ZNF804B: variants seen among roughly 807,000 people sequenced by gnomAD.
ZNF804B encodes the protein zinc finger 804B.
ZNF804B carries 80 observed loss-of-function variants against 101.4 expected under a neutral mutation model. The ratio of observed to expected loss-of-function variants is 0.79; its 90% confidence interval spans 0.66 to 0.95. ZNF804B has a LOEUF of 0.95. ZNF804B is among the 40% of genes least tolerant of loss of function. The pLI, the probability that ZNF804B is intolerant of heterozygous loss-of-function variation, is 0.00. For missense variants in ZNF804B, 1,673 were observed against 1,561.9 expected (o/e 1.07, Z -1.20); for synonymous variants, 622 against 558.8 (o/e 1.11, Z -1.59).
intron 1 of ZNF804B, among the ~76,000 whole-genome samples, chr7:89,104,393 C>T (rs1020844248): frequency 6.6e-6 from 1 of 151,920 alleles, no homozygotes; most frequent in Non-Finnish European, 1.5e-5. Flanking sequence ...GATTTTTCTA[C>T]TACTGATTCA....
chr7:89,297,112 G>A (rs1202272799), intron 2 of ZNF804B, among the ~76,000 whole-genome samples: 1 of 151,958 alleles, frequency 6.6e-6, no homozygotes, highest in Non-Finnish European at 1.5e-5. Flanking sequence ...ATTAGTATAG[G>A]TAGATGTGTT....
chr7:89,000,057 T>G (rs1330753167), intron 1 of ZNF804B, among the ~76,000 whole-genome samples: 2 of 151,996 alleles, frequency 1.3e-5, no homozygotes, highest in Non-Finnish European at 2.9e-5. Context: ...AAGTTCTAGC[T>G]GACTCTTGGC....
chr7:88,955,839 G>T (rs547023808), intron 1 of ZNF804B, among the ~76,000 whole-genome samples: 1 of 151,524 alleles, frequency 6.6e-6, no homozygotes, highest in Non-Finnish European at 1.5e-5. Flanking sequence ...GAAAATATTC[G>T]CAAACTACTC....
intron 1 of ZNF804B, among the ~76,000 whole-genome samples, chr7:88,803,960 G>A (rs1328025722): frequency 6.6e-6 from 1 of 152,032 alleles, no homozygotes; most frequent in Admixed American, 6.6e-5. Context: ...TCAGAAATAG[G>A]CAGAGAATTA....
At chr7:88,775,674 T>C (rs1790131052) in intron 1 of ZNF804B, among the ~76,000 whole-genome samples, 1 of 152,222 alleles carries the variant, frequency 6.6e-6, no homozygotes, top group Non-Finnish European at 1.5e-5. Context: ...CATTCCTGTG[T>C]ATAGCTCTAT....
rs142985534 is a variant in ZNF804B, at chr7:89,128,142, AT to A, written c.109-90005del. On this transcript the variant is annotated intron_variant, in intron 1 of 3. Coordinates refer to ENST00000333190, the MANE Select transcript of ZNF804B (RefSeq NM_181646.5). Reference sequence around the variant, plus strand: ...TCCTTTTGGGCGTTTGAATGTTTTGATTTTTTTTAGTATAAAATCTAATTGG... The same window carrying A: ...TCCTTTTGGGCGTTTGAATGTTTTGATTTTTTTAGTATAAAATCTAATTGG... Among the ~76,000 whole-genome samples, 1,267 of 151,604 alleles carry A rather than the reference AT, an allele frequency of 8.4e-3. 18 individuals carry two copies. The highest frequency in any genetic ancestry group is 0.029 in the African/African-American group (1,187 of 41,400).
chr7:88,819,543 C>T (rs1037231900), intron 1 of ZNF804B, among the ~76,000 whole-genome samples: 1 of 152,166 alleles, frequency 6.6e-6, no homozygotes, highest in Non-Finnish European at 1.5e-5. Context: ...CAACTTCTTT[C>T]TGCCTGCTCT....
At chr7:89,114,903 C>CA (rs1790284452) in intron 1 of ZNF804B, among the ~76,000 whole-genome samples, 2 of 151,944 alleles carry the variant, frequency 1.3e-5, no homozygotes, top group African/African-American at 4.8e-5. Flanking sequence ...ACTAGAACTG[C>CA]AAAAAACAAA....
intron 1 of ZNF804B, among the ~76,000 whole-genome samples, chr7:89,168,144 G>A (rs574636106): frequency 2.8e-4 from 42 of 151,854 alleles, no homozygotes; most frequent in African/African-American, 9.7e-4. Flanking sequence ...TTCTCAGAAC[G>A]GGCATTTTTC....
At chr7:89,324,754 C>A (rs1331475099) in intron 2 of ZNF804B, among the ~76,000 whole-genome samples, 1 of 149,956 alleles carries the variant, frequency 6.7e-6, no homozygotes, top group Non-Finnish European at 1.5e-5. Flanking sequence ...ACTTACAGAC[C>A]AGTTTCAACT....
chr7:88,767,696 G>T (rs569126115), intron 1 of ZNF804B, among the ~76,000 whole-genome samples: 2 of 152,230 alleles, frequency 1.3e-5, no homozygotes, highest in East Asian at 3.9e-4. Flanking sequence ...CAAAATCCTT[G>T]AATAATATTT....
chr7:89,005,547 T>C (rs1356661693), intron 1 of ZNF804B, among the ~76,000 whole-genome samples: 1 of 152,138 alleles, frequency 6.6e-6, no homozygotes, highest in Non-Finnish European at 1.5e-5. Context: ...TTATTCATTA[T>C]TGAAACTTCA....
intron 2 of ZNF804B, among the ~76,000 whole-genome samples, chr7:89,300,162 C>A (rs941229295): frequency 1.3e-5 from 2 of 151,608 alleles, no homozygotes; most frequent in Non-Finnish European, 2.9e-5. Context: ...ATGAGACATT[C>A]CATTGTCTTC....
chr7:89,321,711 A>G (rs1790824059), intron 2 of ZNF804B, among the ~76,000 whole-genome samples: 1 of 152,112 alleles, frequency 6.6e-6, no homozygotes. Flanking sequence ...AAATACAAAC[A>G]TTGAAATAAT....
At chr7:89,010,442 C>G (rs879244011) in intron 1 of ZNF804B, among the ~76,000 whole-genome samples, 9 of 152,162 alleles carry the variant, frequency 5.9e-5, no homozygotes, top group African/African-American at 1.9e-4. Flanking sequence ...GAGGTTCTCT[C>G]TTTCTCTCTG....
chr7:89,208,837 C>T (rs1266285676), intron 1 of ZNF804B, among the ~76,000 whole-genome samples: 1 of 151,674 alleles, frequency 6.6e-6, no homozygotes, highest in African/African-American at 2.4e-5. Context: ...ACGGTGAAAC[C>T]CCGTCTGTAC....
rs1554386432 is a variant in ZNF804B, at chr7:89,265,303, C to CGCGCGCACGT, written c.249+47016_249+47017insGTGCGCGCAC. ...GTGTGTGTGTGTGTGTGCGCGTGCG[C>CGCGCGCACGT]GCGCGCACACATGCACGTGCACAGG... On this transcript the variant is annotated intron_variant, in intron 2 of 3. Coordinates refer to ENST00000333190, the MANE Select transcript of ZNF804B (RefSeq NM_181646.5). Among the ~76,000 whole-genome samples the CGCGCGCACGT allele has an allele frequency of 2.6e-3, 352 of 135,992 alleles. 2 individuals carry two copies. Among genetic ancestry groups the CGCGCGCACGT allele is most frequent in the African/African-American group, 8.5e-3 (340 of 39,796 alleles). The allele number at this position is 135,992 out of a possible 152,430, so 89.2% of individuals were successfully genotyped here.
chr7:89,257,062 T>C (rs17167835), intron 2 of ZNF804B, among the ~76,000 whole-genome samples: 11,680 of 152,286 alleles, frequency 0.077, 542 homozygotes, highest in Middle Eastern at 0.2. Flanking sequence ...CTGCTGCTCC[T>C]AGTGTGTTAC....
At chr7:88,877,016 A>AT (rs1434751404) in intron 1 of ZNF804B, among the ~76,000 whole-genome samples, 2 of 83,482 alleles carry the variant, frequency 2.4e-5, no homozygotes, top group East Asian at 6.9e-4. Context: ...AAATATATAT[A>AT]TATATATATA....
Sources: allele counts gnomAD v4.1 joint callset (sites outside exome capture counted in the v4.1 genomes callset), GRCh38; gene constraint gnomAD v4.1.1; transcripts MANE v1.5; gene names NCBI Gene and HGNC (gene_info 2026-07-23, HGNC 2026-07-21).